Variants in INTU observed in about 807,000 individuals in gnomAD.
INTU encodes the protein protein inturned.
In INTU, 68 loss-of-function variants were observed where a neutral mutation model predicts 100.5. The observed-to-expected ratio is 0.68, with a 90% CI of 0.56 to 0.83. The LOEUF is 0.83. Among genes scored for constraint, INTU ranks in the 40% least tolerant of loss-of-function variants. The probability of loss-of-function intolerance (pLI) is 0.00; values close to 1 mark genes in which losing one functional copy is unlikely to be tolerated. For missense variants in INTU, 1,071 were observed against 1,114.7 expected (o/e 0.96, Z 0.56); for synonymous variants, 357 against 395.7 (o/e 0.90, Z 1.16).
chr4:127,691,373 C>G (rs1730115090), intron 8 of INTU, among the ~76,000 whole-genome samples: 1 of 152,098 alleles, frequency 6.6e-6, no homozygotes, highest in South Asian at 2.1e-4. Flanking sequence ...TTTTGTATTC[C>G]TACCAGCAAT....
intron 2 of INTU, among the ~76,000 whole-genome samples, chr4:127,654,901 T>A (rs1336447822): frequency 6.9e-6 from 1 of 144,422 alleles, no homozygotes. Context: ...GTCCCATATT[T>A]CTTGGAGGCT....
intron 9 of INTU, among the ~76,000 whole-genome samples, chr4:127,701,629 T>C (rs577821042): frequency 2.4e-4 from 37 of 152,256 alleles, no homozygotes; most frequent in African/African-American, 8.7e-4. Flanking sequence ...TTTGAAATAA[T>C]TCAGCAGGAG....
At chr4:127,636,132 T>G (rs528261065) in intron 1 of INTU, among the ~76,000 whole-genome samples, 50 of 152,064 alleles carry the variant, frequency 3.3e-4, no homozygotes, top group African/African-American at 1.1e-3. Flanking sequence ...TAGCCAGGCA[T>G]GATGGTATGT....
At chr4:127,666,243 C>T (rs151129492) in intron 4 of INTU, among the ~76,000 whole-genome samples, 1 of 152,216 alleles carries the variant, frequency 6.6e-6, no homozygotes, top group African/African-American at 2.4e-5. Context: ...TGACTCTATA[C>T]TTGTAGACTC....
intron 8 of INTU, among the ~76,000 whole-genome samples, chr4:127,699,787 T>C (rs1730564321): frequency 6.6e-6 from 1 of 152,232 alleles, no homozygotes; most frequent in Non-Finnish European, 1.5e-5. Context: ...AGTTGTTTTA[T>C]ATTTGCAAAG....
chr4:127,654,956 G>A (rs1459867208), intron 2 of INTU, among the ~76,000 whole-genome samples: 12 of 148,122 alleles, frequency 8.1e-5, no homozygotes, highest in East Asian at 3.9e-4. Context: ...TTCCCTTCTC[G>A]CTTCATTTCA....
At chr4:127,651,373 T>A (rs1040980156) in intron 2 of INTU, among the ~76,000 whole-genome samples, 1 of 152,248 alleles carries the variant, frequency 6.6e-6, no homozygotes, top group East Asian at 1.9e-4. Flanking sequence ...AAGGCTTTAA[T>A]CCATCTTGAA....
chr4:127,715,009 A>G (rs1384163542), intron 15 of INTU, among the ~76,000 whole-genome samples: 1 of 152,074 alleles, frequency 6.6e-6, no homozygotes, highest in Non-Finnish European at 1.5e-5. Context: ...CTATATATTT[A>G]TATATCTATA....
In INTU at chr4:127,660,460, C is replaced by T. The variant is rs573150012; in HGVS notation, c.769-2921C>T. On this transcript the variant is annotated intron_variant, in intron 3 of 15. Coordinates refer to ENST00000335251, the MANE Select transcript of INTU (RefSeq NM_015693.4). ...AGTGTAGATGATGGGAGAGACGGTG[C>T]AGACTGAAGCAGAGGTGACAGACTG... 7.9e-5 allele frequency among the ~76,000 whole-genome samples: 12 copies of T among 151,708 alleles called. No individual in the cohort carries two copies. The East Asian group carries it at 2.1e-3, about 27-fold the overall frequency.
At chr4:127,671,723 A>G (rs559161408) in intron 5 of INTU, among the ~76,000 whole-genome samples, 187 of 152,216 alleles carry the variant, frequency 1.2e-3, no homozygotes, top group Non-Finnish European at 2.1e-3. Context: ...AGCATCCATC[A>G]ACAGATGACT....
At chr4:127,680,172 G>T (rs942017164) in intron 6 of INTU, among the ~76,000 whole-genome samples, 1 of 152,000 alleles carries the variant, frequency 6.6e-6, no homozygotes, top group Non-Finnish European at 1.5e-5. Context: ...TTCTACCAGA[G>T]GTACAAGGAG....
chr4:127,673,577 A>G (rs1476773127), intron 5 of INTU, among the ~76,000 whole-genome samples: 1 of 147,220 alleles, frequency 6.8e-6, no homozygotes, highest in South Asian at 2.1e-4. Flanking sequence ...TAATAGGTCT[A>G]TTTTTGTTTG....
chr4:127,644,324 A>G (rs1005370252), intron 2 of INTU, among the ~76,000 whole-genome samples: 3 of 152,182 alleles, frequency 2.0e-5, no homozygotes, highest in Non-Finnish European at 4.4e-5. Flanking sequence ...GAATTATATA[A>G]TTTTATTTCA....
At chr4:127,715,061 T>C (rs1731221612) in intron 15 of INTU, among the ~76,000 whole-genome samples, 1 of 152,142 alleles carries the variant, frequency 6.6e-6, no homozygotes, top group African/African-American at 2.4e-5. Context: ...TGTGTGTGTA[T>C]ACATATATGT....
At chr4:127,705,473 A>G in intron 10 of INTU, 118 bp from the exon 11 acceptor site, 1 of 762,430 alleles carries the variant, frequency 1.3e-6, no homozygotes, top group Non-Finnish European at 2.2e-6. Flanking sequence ...CATTTACCCC[A>G]TTTGAAACTA....
intron 8 of INTU, among the ~76,000 whole-genome samples, chr4:127,698,220 T>C (rs1325422155): frequency 1.3e-5 from 2 of 152,126 alleles, no homozygotes; most frequent in Admixed American, 1.3e-4. Context: ...CCCAGCACTT[T>C]GGGAGGCCGA....
At chr4:127,670,878 A>G (rs1404759143) in intron 5 of INTU, among the ~76,000 whole-genome samples, 1 of 152,138 alleles carries the variant, frequency 6.6e-6, no homozygotes, top group South Asian at 2.1e-4. Context: ...CACCCTATTC[A>G]ATAAATGGTG....
intron 9 of INTU, 80 bp downstream of exon 9, chr4:127,700,143 A>T: frequency 9.0e-7 from 1 of 1,115,656 alleles, no homozygotes; most frequent in Admixed American, 2.1e-5. Context: ...ATATTTACCA[A>T]GTGGATATAT....
chr4:127,708,869 C>A (rs1245881246), intron 13 of INTU, among the ~76,000 whole-genome samples: 1 of 152,164 alleles, frequency 6.6e-6, no homozygotes, highest in Non-Finnish European at 1.5e-5. Flanking sequence ...GAGAAAAACA[C>A]ACAAAGTAAT....
Sources: allele counts gnomAD v4.1 joint callset (sites outside exome capture counted in the v4.1 genomes callset), GRCh38; gene constraint gnomAD v4.1.1; transcripts MANE v1.5; gene names NCBI Gene and HGNC (gene_info 2026-07-23, HGNC 2026-07-21).